Variants in RNF157 observed in about 807,000 individuals in gnomAD.
RNF157 encodes E3 ubiquitin ligase RNF157.
RNF157 carries 55 observed loss-of-function variants against 88.3 expected under a neutral mutation model. The ratio of observed to expected loss-of-function variants is 0.62; its 90% CI spans 0.50 to 0.78. The LOEUF is 0.78. Ranked by LOEUF, RNF157 falls within the 30% of genes least tolerant of loss-of-function variation. The pLI is 0.00. For synonymous variants in RNF157, 334 were observed against 341.2 expected (o/e 0.98, Z 0.23); for missense variants, 788 against 860.8 (o/e 0.92, Z 1.06).
intron 1 of RNF157, among the ~76,000 whole-genome samples, chr17:76,239,735 C>T (rs1001991106): frequency 1.3e-5 from 2 of 152,182 alleles, no homozygotes; most frequent in African/African-American, 4.8e-5. Flanking sequence ...AGGTCGCCTC[C>T]CTCGCGGCCC....
At chr17:76,154,895 T>A (rs2068738203) in intron 16 of RNF157, among the ~76,000 whole-genome samples, 1 of 151,968 alleles carries the variant, frequency 6.6e-6, no homozygotes, top group Non-Finnish European at 1.5e-5. Flanking sequence ...TCTGTATAGG[T>A]CTATATGTGC....
chr17:76,148,186 T>C (rs1366593549), intron 18 of RNF157, among the ~76,000 whole-genome samples: 1 of 152,046 alleles, frequency 6.6e-6, no homozygotes, highest in Non-Finnish European at 1.5e-5. Flanking sequence ...TCACTGGATA[T>C]GCTCATTCCA....
In RNF157 at chr17:76,173,746, C is replaced by T. The variant is rs761215279; in HGVS notation, c.252G>A (p.Leu84=). Residue 84 remains leucine (L), a synonymous_variant, in exon 3 of 19, where the codon CTG becomes CTA. Coordinates refer to ENST00000269391, the MANE Select transcript of RNF157 (RefSeq NM_052916.3). ...CCTTTCGGATATTGACCAGGCTTCT[C>T]AGAGTCTTCACGGGTTCTTGGGGAG... The part of the protein sequence containing the change: ...APPPQEPVKT[L]RSLVNIRKDT... 3 of 1,611,348 alleles carry T rather than the reference C, an allele frequency of 1.9e-6. No individual in the cohort carries two copies. Among genetic ancestry groups the T allele is most frequent in the East Asian group, 4.5e-5 (2 of 44,830 alleles).
intron 1 of RNF157, among the ~76,000 whole-genome samples, chr17:76,230,860 G>A (rs183928026): frequency 1.7e-4 from 7 of 41,960 alleles, no homozygotes; most frequent in African/African-American, 5.9e-4. Flanking sequence ...AAAAAAAAAA[G>A]AGAGAGAGAG....
chr17:76,230,016 T>TC (rs1211506472), intron 1 of RNF157, among the ~76,000 whole-genome samples: 27 of 152,102 alleles, frequency 1.8e-4, no homozygotes, highest in African/African-American at 6.0e-4. Context: ...AACTCATCAT[T>TC]CCCCACAAAT....
Position 76,161,908 on chromosome 17 carries a change from C to T in RNF157, c.887G>A (p.Cys296Tyr). The T allele has an allele frequency of 1.9e-6, 3 of 1,614,222 alleles. No homozygotes were observed. The highest frequency in any genetic ancestry group is 1.7e-6 in the Non-Finnish European group (2 of 1,180,044). The change falls in exon 10 of 19, where the codon TGC becomes TAC. Residue 296 changes from cysteine (C) to tyrosine (Y), a missense_variant. Coordinates refer to ENST00000269391, the MANE Select transcript of RNF157 (RefSeq NM_052916.3). The surrounding 1 kb of genome is among the most constrained non-coding windows in gnomAD (Gnocchi z 4.6). ...DTLILPCRHL[C>Y]LCNTCADTLR... ...CGTGTCTGCACAGGTGTTACAGAGG[C>T]AGAGGTGGCGACAGGGCAGAATCAA...
intron 2 of RNF157, among the ~76,000 whole-genome samples, chr17:76,202,156 A>T (rs1338898502): frequency 1.3e-5 from 2 of 151,428 alleles, no homozygotes; most frequent in Non-Finnish European, 1.5e-5. Flanking sequence ...ACACACACAC[A>T]CACACACACA....
At position 76,240,274 on chromosome 17, in the gene RNF157, G is replaced by C; in HGVS notation, c.-34C>G. ...CGGCTGCAGCCCCGGCCCGGCCCCG[G>C]TGCCCGCGCCGCCCTCCGCGCTTCA... On this transcript the variant is annotated 5_prime_UTR_variant, in exon 1 of 19. Transcript: ENST00000269391. The surrounding 1 kb of genome is among the most constrained non-coding windows in gnomAD (Gnocchi z 4.4). 5 of 1,070,804 alleles carry C rather than the reference G, an allele frequency of 4.7e-6. No homozygotes were observed. The highest frequency in any genetic ancestry group is 5.7e-6 in the Non-Finnish European group (5 of 877,752). The allele number at this position is 1,070,804 out of a possible 1,614,324, so 66.3% of individuals were successfully genotyped here. A position where few individuals can be genotyped will look rare whatever the true frequency, so the allele number is the denominator to read the frequency against.
intron 1 of RNF157, among the ~76,000 whole-genome samples, chr17:76,223,372 G>C (rs1026779272): frequency 6.6e-5 from 10 of 151,888 alleles, no homozygotes; most frequent in Admixed American, 5.9e-4. Flanking sequence ...ATTTTTAGTA[G>C]AGACGGGGTT....
At chr17:76,235,947 T>TAC (rs1660786559) in intron 1 of RNF157, among the ~76,000 whole-genome samples, 1 of 152,182 alleles carries the variant, frequency 6.6e-6, no homozygotes, top group Admixed American at 6.5e-5. Context: ...ACTTTGAGGT[T>TAC]ACAGTGAGCT....
Position 76,165,593 on chromosome 17 carries a change from T to C in RNF157, c.629-48A>G, listed in dbSNP as rs1417969673. ...AGTGAAGAAGCCCAAACAGCACATC[T>C]TGATGCCCATGACTTTCTCCAGTTC... On this transcript the variant is annotated intron_variant, in intron 6 of 18. Coordinates refer to ENST00000269391, the MANE Select transcript of RNF157 (RefSeq NM_052916.3). 2.5e-6 allele frequency: 4 copies of C among 1,600,532 alleles called. 1 individual carries two copies. Among genetic ancestry groups the C allele is most frequent in the Non-Finnish European group, 3.4e-6 (4 of 1,167,636 alleles).
Position 76,161,781 on chromosome 17 carries a change from T to G in RNF157, c.952+62A>C. ...CCAGCAGCAGCACATGCTTCAGTGT[T>G]TTGTAAATGTCCTCTTGTCCCCTCT... On this transcript the variant is annotated intron_variant, in intron 10 of 18. Transcript: ENST00000269391. This position sits in a 1 kb window ranked among gnomAD's most constrained non-coding sequence, Gnocchi z 4.6. 6.3e-7 allele frequency: 1 copy of G among 1,584,000 alleles called. No individual in the cohort carries two copies. The highest frequency in any genetic ancestry group is 8.6e-7 in the Non-Finnish European group (1 of 1,158,744).
At chr17:76,145,773 T>G (rs1464198932) in intron 18 of RNF157, among the ~76,000 whole-genome samples, 1 of 152,196 alleles carries the variant, frequency 6.6e-6, no homozygotes, top group East Asian at 1.9e-4. Context: ...GAGAAGACTG[T>G]TCGTTCTGGC....
chr17:76,185,475 C>CTTTTTTTTTTTTTTTTT lies in RNF157; in HGVS notation c.208-11686_208-11685insAAAAAAAAAAAAAAAAA, dbSNP rs71161271. On this transcript the variant is annotated intron_variant, in intron 2 of 18. Transcript: ENST00000269391. ...ACTAGTGGTCAGAGATTAGTCCTTTCTTTTTTTTTTTTGAGACGGAGTCTC... is the reference window on the plus strand; with the variant it reads ...ACTAGTGGTCAGAGATTAGTCCTTTCTTTTTTTTTTTTTTTTTTTTTTTTTTTTTGAGACGGAGTCTC... Among the ~76,000 whole-genome samples, 187 of 141,840 alleles carry CTTTTTTTTTTTTTTTTT rather than the reference C, an allele frequency of 1.3e-3. 8 individuals carry two copies. Among genetic ancestry groups the CTTTTTTTTTTTTTTTTT allele is most frequent in the African/African-American group, 4.5e-3 (166 of 36,774 alleles). 93.1% of individuals were successfully genotyped at this position (141,840 alleles called of 152,430 possible). A position where few individuals can be genotyped will look rare whatever the true frequency, so the allele number is the denominator to read the frequency against.
intron 2 of RNF157, among the ~76,000 whole-genome samples, chr17:76,177,014 T>C (rs1258854660): frequency 6.6e-6 from 1 of 152,036 alleles, no homozygotes; most frequent in Admixed American, 6.5e-5. Context: ...CTGACACTCC[T>C]GGGCAGATGG....
chr17:76,221,419 G>C (rs1419057516), intron 1 of RNF157, among the ~76,000 whole-genome samples: 1 of 152,148 alleles, frequency 6.6e-6, no homozygotes, highest in Non-Finnish European at 1.5e-5. Context: ...CATGATTAAT[G>C]AGAGTTCAAG....
At chr17:76,203,844 T>C (rs1335012273) in intron 2 of RNF157, among the ~76,000 whole-genome samples, 4 of 149,256 alleles carry the variant, frequency 2.7e-5, no homozygotes, top group African/African-American at 7.5e-5. Flanking sequence ...CTCGGCTCAC[T>C]GCAAACTCCG....
Position 76,174,796 on chromosome 17 carries a change from G to A in RNF157, c.208-1006C>T, listed in dbSNP as rs181842080. 3.3e-5 allele frequency among the ~76,000 whole-genome samples: 5 copies of A among 152,246 alleles called. No individual in the cohort carries two copies. In the East Asian group the frequency reaches 7.7e-4, roughly 23 times the overall value. ...TTAAGGTGCATCTGACTTAATGTACGCAGTATAATTGCTTATAATTCACAG... is the reference window on the plus strand; with the variant it reads ...TTAAGGTGCATCTGACTTAATGTACACAGTATAATTGCTTATAATTCACAG... On this transcript the variant is annotated intron_variant, in intron 2 of 18. Coordinates refer to ENST00000269391, the MANE Select transcript of RNF157 (RefSeq NM_052916.3).
At chr17:76,155,516 G>T in intron 15 of RNF157, 46 bp downstream of exon 15, 1 of 1,593,084 alleles carries the variant, frequency 6.3e-7, no homozygotes, top group Non-Finnish European at 8.6e-7. Context: ...TTGGACATGT[G>T]CACAAAGAAC....
Sources: allele counts gnomAD v4.1 joint callset (sites outside exome capture counted in the v4.1 genomes callset), GRCh38; gene constraint gnomAD v4.1.1; non-coding constraint Gnocchi (gnomAD v3.1); transcripts MANE v1.5; gene names NCBI Gene and HGNC (gene_info 2026-07-23, HGNC 2026-07-21).